The following MEG3 variants were observed in gnomAD, a reference collection of about 807,000 sequenced individuals.
The protein encoded by MEG3 is maternally expressed 3.
intron 3 of MEG3, chr14:100,849,356 A>C (rs2038004651): frequency 6.6e-6 from 1 of 152,190 alleles, no homozygotes; most frequent in African/African-American, 2.4e-5. Context: ...TGGTTAATCC[A>C]ATTCTGTGCA....
chr14:100,852,828 T>A (rs1162701187), upstream of MEG3: 3 of 189,350 alleles, frequency 1.6e-5, no homozygotes. Context: ...CTAGGGGCTG[T>A]CCTGACGGGT....
chr14:100,841,698 C>T (rs1239885980), intron 2 of MEG3, among the ~76,000 whole-genome samples: 1 of 152,186 alleles, frequency 6.6e-6, no homozygotes. Flanking sequence ...AAAGAAGGTT[C>T]CAAGGGGCTG....
chr14:100,826,680 G>A (rs975546739), intron 1 of MEG3, among the ~76,000 whole-genome samples: 3 of 152,206 alleles, frequency 2.0e-5, no homozygotes, highest in Non-Finnish European at 2.9e-5. Flanking sequence ...GGTCTCCCGG[G>A]CATATTTGCC....
intron 1 of MEG3, among the ~76,000 whole-genome samples, chr14:100,826,964 T>C (rs1019487867): frequency 6.7e-6 from 1 of 148,772 alleles, no homozygotes; most frequent in Non-Finnish European, 1.5e-5. Flanking sequence ...ACTGGGAGAA[T>C]AGATGCAGGG....
chr14:100,830,490 C>A (rs918082453), downstream of MEG3: 5 of 152,102 alleles, frequency 3.3e-5, no homozygotes, highest in Admixed American at 6.6e-5. Context: ...CTCAAGCACC[C>A]GAGGCTGTCC....
At chr14:100,826,841 G>A (rs1362825918) in intron 1 of MEG3, among the ~76,000 whole-genome samples, 1 of 152,132 alleles carries the variant, frequency 6.6e-6, no homozygotes, top group Non-Finnish European at 1.5e-5. Flanking sequence ...ATATCATCTG[G>A]TTCTGCCCTG....
intron 3 of MEG3, chr14:100,848,052 G>A (rs561300491): frequency 1.7e-4 from 26 of 152,232 alleles, no homozygotes; most frequent in East Asian, 3.9e-4. Flanking sequence ...AATGAGCTCC[G>A]AAGACAAAGT....
At chr14:100,852,255 C>G (rs2038103650), upstream of MEG3, 2 of 485,244 alleles carry the variant, frequency 4.1e-6, no homozygotes, top group Admixed American at 2.1e-5. Context: ...GCTCAGGAAT[C>G]AAAGCTATGG....
At chr14:100,827,544 C>CCAGTGGTTTTTGGTTTCGGGGGT (rs2139931409) in intron 1 of MEG3, 1 of 152,538 alleles carries the variant, frequency 6.6e-6, no homozygotes, top group African/African-American at 2.4e-5. Context: ...TAGTTGATTT[C>CCAGTGGTTTTTGGTTTCGGGGGT]CAGTGGTTTT....
At chr14:100,834,547 C>CT (rs2037498018) in exon 1 of MEG3, 1 of 388,572 alleles carries the variant, frequency 2.6e-6, no homozygotes, top group African/African-American at 2.1e-5. Flanking sequence ...AACCTGGCTC[C>CT]TTGAGTCCCT....
upstream of MEG3, chr14:100,852,333 C>G (rs534387394): frequency 1.9e-6 from 1 of 531,876 alleles, no homozygotes; most frequent in Non-Finnish European, 3.8e-6. Flanking sequence ...GCTTCTAGCT[C>G]CGGCCGAGTG....
chr14:100,852,811 C>T (rs911783802), upstream of MEG3: 4 of 204,080 alleles, frequency 2.0e-5, no homozygotes, highest in African/African-American at 9.4e-5. Flanking sequence ...GAGCCTGCTC[C>T]CAACATCTAG....
chr14:100,839,328 ACTGGTTCCCC>A (rs1448657128), intron 2 of MEG3, among the ~76,000 whole-genome samples: 2 of 152,086 alleles, frequency 1.3e-5, no homozygotes, highest in African/African-American at 2.4e-5. Flanking sequence ...TGTCCCAAGG[ACTGGTTCCCC>A]CTCCCTGCTG....
chr14:100,831,675 T>G (rs1251998365), downstream of MEG3: 1 of 152,214 alleles, frequency 6.6e-6, no homozygotes, highest in Non-Finnish European at 1.5e-5. Flanking sequence ...AGACACTTGC[T>G]CCCCCTTCTC....
chr14:100,829,826 A>C (rs1281857712), downstream of MEG3: 1 of 152,194 alleles, frequency 6.6e-6, no homozygotes, highest in Non-Finnish European at 1.5e-5. Context: ...TTTCCAGAGC[A>C]CTTTCTATGT....
intron 3 of MEG3, chr14:100,846,426 CTG>C (rs1265028363): frequency 2.6e-5 from 4 of 152,326 alleles, no homozygotes; most frequent in African/African-American, 9.6e-5. Flanking sequence ...TTAACATTCA[CTG>C]TGTCTCTGCT....
At chr14:100,826,225 G>C (rs1404014518) in intron 1 of MEG3, 1 of 152,158 alleles carries the variant, frequency 6.6e-6, no homozygotes, top group Non-Finnish European at 1.5e-5. Flanking sequence ...CCGGTGAGTG[G>C]TTGGCCATCC....
At chr14:100,828,428 C>A (rs2037309545) in intron 1 of MEG3, among the ~76,000 whole-genome samples, 1 of 148,398 alleles carries the variant, frequency 6.7e-6, no homozygotes, top group Admixed American at 6.7e-5. Flanking sequence ...CTTCTCCCTC[C>A]TCCCTCTTTC....
chr14:100,840,762 A>G (rs1315592136), intron 2 of MEG3, among the ~76,000 whole-genome samples: 5 of 152,280 alleles, frequency 3.3e-5, no homozygotes, highest in African/African-American at 7.2e-5. Context: ...AATTTGATCA[A>G]CCTGGGCCTG....
Sources: gnomAD v4.1 joint callset for allele counts (sites outside exome capture counted in the v4.1 genomes callset) on GRCh38, gnomAD v4.1.1 for gene constraint, MANE v1.5 for transcripts, NCBI Gene and HGNC (gene_info 2026-07-23, HGNC 2026-07-21) for gene names.